PTCD3: variants seen among roughly 807,000 people sequenced by gnomAD.
PTCD3 encodes the protein pentatricopeptide repeat domain 3.
In PTCD3, 89 loss-of-function variants were observed where a neutral mutation model predicts 101.9. The observed-to-expected ratio is 0.87, with a 90% confidence interval of 0.74 to 1.04. PTCD3 has a LOEUF of 1.04. Ranked by LOEUF, PTCD3 falls within the 50% of genes least tolerant of loss-of-function variation. PTCD3 has a pLI of 0.00. For missense variants in PTCD3, 870 were observed against 828.2 expected (o/e 1.05, Z -0.62); for synonymous variants, 296 against 278.5 (o/e 1.06, Z -0.63).
intron 7 of PTCD3, 41 bp from the exon 8 acceptor site, chr2:86,121,438 T>A (rs868854277): frequency 6.9e-6 from 9 of 1,306,644 alleles, no homozygotes; most frequent in Middle Eastern, 2.2e-4. Flanking sequence ...TAGTTCTTCA[T>A]TGTTTCAAGG....
chr2:86,128,988 G>A (rs1442729234), intron 14 of PTCD3, among the ~76,000 whole-genome samples: 2 of 152,146 alleles, frequency 1.3e-5, no homozygotes, highest in Non-Finnish European at 2.9e-5. Context: ...TCTTTCTTGT[G>A]GATAGACTAT....
chr2:86,110,886 A>G (rs528105393), intron 3 of PTCD3: 1 of 729,292 alleles, frequency 1.4e-6, no homozygotes, highest in African/African-American at 1.8e-5. Flanking sequence ...TTATGGCATT[A>G]TGCACCAGGC....
rs1025071316 is a variant in PTCD3 at position 86,137,857 on chromosome 2, A to G, written c.*298A>G. ...GTCATCAGGATAAGCCTGCACACCT[A>G]GAGTGTCGGTGAGCTGACCTCACGA... On this transcript the variant is annotated 3_prime_UTR_variant, in exon 24 of 24. Coordinates refer to ENST00000254630, the MANE Select transcript of PTCD3 (RefSeq NM_017952.6). 3.4e-5 allele frequency: 11 copies of G among 324,178 alleles called. No individual in the cohort carries two copies. The highest frequency in any genetic ancestry group is 3.2e-4 in the South Asian group (11 of 34,796). 20.1% of individuals were successfully genotyped at this position (324,178 alleles called of 1,614,324 possible).
chr2:86,134,419 A>G, intron 20 of PTCD3, 42 bp downstream of exon 20: 1 of 1,500,502 alleles, frequency 6.7e-7, no homozygotes, highest in Non-Finnish European at 9.3e-7. Flanking sequence ...TCCCATACTG[A>G]GGTCTTCTTA....
chr2:86,132,994 G>T, intron 17 of PTCD3, 184 bp from the exon 18 acceptor site: 1 of 822,510 alleles, frequency 1.2e-6, no homozygotes, highest in South Asian at 1.9e-5. Flanking sequence ...TGAGGGTAGG[G>T]TGTTTAATTG....
At chr2:86,129,631 G>A (rs1229483408) in intron 14 of PTCD3, among the ~76,000 whole-genome samples, 1 of 152,156 alleles carries the variant, frequency 6.6e-6, no homozygotes, top group Non-Finnish European at 1.5e-5. Context: ...GACAGAGCAA[G>A]ACCCTGTCTC....
chr2:86,122,675 C>A (rs1315540120), intron 8 of PTCD3, among the ~76,000 whole-genome samples: 2 of 152,144 alleles, frequency 1.3e-5, no homozygotes, highest in African/African-American at 4.8e-5. Flanking sequence ...CCTTCAGTCT[C>A]CTAAAGTTTT....
At chr2:86,133,766 T>C (rs559091559) in intron 19 of PTCD3, among the ~76,000 whole-genome samples, 2 of 152,344 alleles carry the variant, frequency 1.3e-5, no homozygotes, top group East Asian at 3.9e-4. Context: ...CGGAAGCCTG[T>C]GTAATTCCTC....
At chr2:86,124,933 T>C (rs1674355962) in intron 9 of PTCD3, 62 bp from the exon 10 acceptor site, 1 of 1,588,940 alleles carries the variant, frequency 6.3e-7, no homozygotes, top group Non-Finnish European at 8.6e-7. Context: ...CGTCAGTAAA[T>C]GGTGGTAGCT....
In PTCD3 at chr2:86,133,166, C is replaced by T. The variant is rs1379949484; in HGVS notation, c.1374-12C>T. Reference sequence around the variant, plus strand: ...GACTTTAGACTAAACATACTTTTTGCCTTCATCACAGTTCCAAGTTCTTCG... The same window carrying T: ...GACTTTAGACTAAACATACTTTTTGTCTTCATCACAGTTCCAAGTTCTTCG... On this transcript the variant is annotated splice_polypyrimidine_tract_variant and intron_variant, in intron 17 of 23. Transcript: ENST00000254630. The T allele has an allele frequency of 1.2e-6, 2 of 1,609,284 alleles. No individual in the cohort carries two copies. Among genetic ancestry groups the T allele is most frequent in the Non-Finnish European group, 1.7e-6 (2 of 1,178,630 alleles).
intron 19 of PTCD3, 61 bp downstream of exon 19, chr2:86,133,497 T>G: frequency 1.4e-6 from 2 of 1,440,430 alleles, no homozygotes; most frequent in Non-Finnish European, 1.9e-6. Flanking sequence ...ACTTTGATAA[T>G]GAATGTGCTA....
chr2:86,123,786 T>G (rs760262586), intron 9 of PTCD3, 24 bp downstream of exon 9: 1 of 1,555,122 alleles, frequency 6.4e-7, no homozygotes, highest in Non-Finnish European at 8.8e-7. Flanking sequence ...AATTAGAACC[T>G]TGAATTACAG....
Position 86,131,103 on chromosome 2 carries a change from C to T in PTCD3, c.1263C>T (p.Ser421=), listed in dbSNP as rs1369491410. 1.9e-6 allele frequency: 3 copies of T among 1,597,768 alleles called. No homozygotes were observed. Among genetic ancestry groups the T allele is most frequent in the African/African-American group, 2.7e-5 (2 of 74,106 alleles). Reference sequence around the variant, plus strand: ...ATAAGTTTTTTCAGTCAGCCATGAGCATAGTAAGTATCATTTCTTTATTAA... The same window carrying T: ...ATAAGTTTTTTCAGTCAGCCATGAGTATAGTAAGTATCATTTCTTTATTAA... ...DDDKFFQSAM[S]ICSSLRDLEL... The change falls in exon 16 of 24, where the codon AGC becomes AGT. Residue 421 remains serine, a synonymous_variant. Coordinates refer to ENST00000254630, the MANE Select transcript of PTCD3 (RefSeq NM_017952.6).
At position 86,118,901 on chromosome 2, in the gene PTCD3, T is replaced by C. The variant is rs1190320422; in HGVS notation, c.415-20T>C. ...CACCTTTACCTGTTTGTAGTAACTT[T>C]AGTCATCTTGTTTTCCTAGTGTTTA... On this transcript the variant is annotated intron_variant, in intron 6 of 23. Coordinates refer to ENST00000254630, the MANE Select transcript of PTCD3 (RefSeq NM_017952.6). 1.9e-6 allele frequency: 3 copies of C among 1,607,462 alleles called. No homozygotes were observed. The highest frequency in any genetic ancestry group is 1.1e-5 in the South Asian group (1 of 90,390).
intron 3 of PTCD3, among the ~76,000 whole-genome samples, chr2:86,109,272 G>T (rs1246718880): frequency 8.6e-5 from 13 of 152,046 alleles, no homozygotes; most frequent in Non-Finnish European, 1.3e-4. Flanking sequence ...CGGATGTGGT[G>T]GGGGGTCGCC....
chr2:86,109,688 G>A (rs898707268), intron 3 of PTCD3, among the ~76,000 whole-genome samples: 1 of 152,208 alleles, frequency 6.6e-6, no homozygotes, highest in African/African-American at 2.4e-5. Flanking sequence ...AGCCACTTTG[G>A]AGGAACATTT....
intron 1 of PTCD3, chr2:86,107,291 G>T (rs955684692): frequency 6.5e-6 from 3 of 461,076 alleles, no homozygotes; most frequent in Non-Finnish European, 1.3e-5. Context: ...TGTGATCTCT[G>T]TTTTAAGGTC....
intron 16 of PTCD3, among the ~76,000 whole-genome samples, chr2:86,131,547 C>G (rs1413780384): frequency 6.6e-6 from 1 of 152,168 alleles, no homozygotes; most frequent in Non-Finnish European, 1.5e-5. Context: ...ACATACTATC[C>G]CTACCCTTTG....
chr2:86,116,197 T>A lies in PTCD3; in HGVS notation c.241-333T>A, dbSNP rs578025534. 1.8e-4 allele frequency among the ~76,000 whole-genome samples: 28 copies of A among 152,356 alleles called. No homozygotes were observed. In the South Asian group the frequency reaches 4.1e-3, roughly 23 times the overall value. ...ACATACATAATTACAACTTACGGAATTTTTGTTTATCAAAACTCACAAGGT... is the reference window on the plus strand; with the variant it reads ...ACATACATAATTACAACTTACGGAAATTTTGTTTATCAAAACTCACAAGGT... On this transcript the variant is annotated intron_variant, in intron 4 of 23. Transcript: ENST00000254630.
Sources: allele counts gnomAD v4.1 joint callset (sites outside exome capture counted in the v4.1 genomes callset), GRCh38; gene constraint gnomAD v4.1.1; transcripts MANE v1.5; gene names NCBI Gene and HGNC (gene_info 2026-07-23, HGNC 2026-07-21).